B3GALT2: variants seen among roughly 807,000 people sequenced by gnomAD.
B3GALT2 encodes the protein UDP-Gal:betaGlcNAc beta 1,3-galactosyltransferase, polypeptide 2.
B3GALT2 carries 13 observed loss-of-function variants against 33.5 expected under a neutral mutation model. The ratio of observed to expected loss-of-function variants is 0.39; its 90% confidence interval spans 0.25 to 0.62. B3GALT2 has a LOEUF of 0.62. B3GALT2 is among the 20% of genes least tolerant of loss of function. The probability of loss-of-function intolerance (pLI) is 0.53; values close to 1 mark genes in which losing one functional copy is unlikely to be tolerated. For synonymous variants in B3GALT2, 195 were observed against 172.7 expected, an observed-to-expected ratio of 1.13 and a Z score of -1.01; for missense variants, 418 against 509.1, an observed-to-expected ratio of 0.82 and a Z score of 1.72.
chr1:193,184,290 A>G (rs1676768701), intron 1 of B3GALT2, among the ~76,000 whole-genome samples: 1 of 151,930 alleles, frequency 6.6e-6, no homozygotes. Context: ...TTTTGTTAAA[A>G]AGAATATAAA....
At chr1:193,183,785 C>A (rs1391641178) in intron 1 of B3GALT2, among the ~76,000 whole-genome samples, 1 of 151,760 alleles carries the variant, frequency 6.6e-6, no homozygotes, top group Non-Finnish European at 1.5e-5. Context: ...CTAAGTGTTA[C>A]AAAGATAAGT....
Position 193,181,450 on chromosome 1 carries a change from G to A in B3GALT2, c.113C>T (p.Ala38Val), listed in dbSNP as rs2103159403. Residue 38 changes from alanine to valine, a missense_variant, in exon 2 of 2, where the codon GCT (alanine) becomes GTT (valine). Physicochemically the swap from Ala to Val is moderately conservative, Grantham distance 64. Transcript: ENST00000367434. ...ATGATGATTGAAAAACAAAAACATA[G>A]CAAAAAGAAACACTAGAGAAAGTAC... Reference protein sequence around the residue: ...IGVLSLVFLFAMFLFFNHHDW... With the variant: ...IGVLSLVFLFVMFLFFNHHDW... 1 of 1,613,974 alleles carries A rather than the reference G, an allele frequency of 6.2e-7. No individual in the cohort carries two copies. Among genetic ancestry groups the A allele is most frequent in the Non-Finnish European group, 8.5e-7 (1 of 1,179,928 alleles).
chr1:193,185,864 A>G (rs1448765515), intron 1 of B3GALT2, among the ~76,000 whole-genome samples, 155 bp downstream of exon 1: 1 of 152,200 alleles, frequency 6.6e-6, no homozygotes. Flanking sequence ...CTTGTCTTCT[A>G]AACAATGACA....
rs1389579200 is a variant in B3GALT2, at chr1:193,180,230, G to T, written c.*64C>A. 4 of 1,425,710 alleles carry T rather than the reference G, an allele frequency of 2.8e-6. No individual in the cohort carries two copies. The East Asian group carries it at 9.2e-5, about 33-fold the overall frequency. The allele number at this position is 1,425,710 out of a possible 1,614,324, so 88.3% of individuals were successfully genotyped here. A position where few individuals can be genotyped will look rare whatever the true frequency, so the allele number is the denominator to read the frequency against. On this transcript the variant is annotated 3_prime_UTR_variant, in exon 2 of 2. Transcript: ENST00000367434. ...AAAACTTGTCCTACGGATGTAATCA[G>T]TTCTAACTATACATGCTTTTAGCAA...
In B3GALT2 at chr1:193,180,566, C is replaced by T. The variant is rs1676696991; in HGVS notation, c.997G>A (p.Gly333Ser). The T allele has an allele frequency of 5.0e-6, 8 of 1,614,066 alleles. No individual in the cohort carries two copies. Among genetic ancestry groups the T allele is most frequent in the Non-Finnish European group, 6.8e-6 (8 of 1,179,954 alleles). The part of the protein sequence containing the change: ...LAEKIFKVSL[G>S]IRRLHLEDVY... ...TCTTCCAAGTGCAAACGGCGGATAC[C>T]TAAAGAAACTTTAAAAATCTTTTCT... Residue 333 changes from glycine (G) to serine (S), a missense_variant, in exon 2 of 2, where the codon GGT (glycine) becomes AGT (serine). Physicochemically the swap from Gly to Ser is moderately conservative, Grantham distance 56. Coordinates refer to ENST00000367434, the MANE Select transcript of B3GALT2 (RefSeq NM_003783.3).
In B3GALT2 at chr1:193,179,034, A is replaced by C. The variant is rs1460786826; in HGVS notation, c.*1260T>G. ...AAACAAAATTATTGTGAAAATACTT[A>C]TAACACTCAGTAAAGTTTTTTGTTT... On this transcript the variant is annotated 3_prime_UTR_variant, in exon 2 of 2. Transcript: ENST00000367434. 6.6e-6 allele frequency: 1 copy of C among 152,234 alleles called. No homozygotes were observed. Among genetic ancestry groups the C allele is most frequent in the African/African-American group, 2.4e-5 (1 of 41,466 alleles). The allele number at this position is 152,234 out of a possible 1,614,324, so 9.4% of individuals were successfully genotyped here.
Position 193,181,020 on chromosome 1 carries a change from A to G in B3GALT2, c.543T>C (p.Pro181=), listed in dbSNP as rs1676705624. The G allele has an allele frequency of 2.5e-6, 4 of 1,613,682 alleles. No homozygotes were observed. Among genetic ancestry groups the G allele is most frequent in the South Asian group, 1.1e-5 (1 of 91,068 alleles). The stretch of plus-strand genomic sequence containing the variant: ...AAAATATTCTTGTGATTTGAATACC[A>G]GGTGCTAGACTTTCATTGCCCCAAG... The part of the protein sequence containing the change: ...RQTWGNESLA[P]GIQITRIFLL... The change falls in exon 2 of 2, where the codon CCT becomes CCC. Residue 181 remains proline, a synonymous_variant. Transcript: ENST00000367434.
intron 1 of B3GALT2, among the ~76,000 whole-genome samples, chr1:193,183,287 G>C (rs1278326361): frequency 6.6e-6 from 1 of 151,134 alleles, no homozygotes; most frequent in East Asian, 1.9e-4. Flanking sequence ...AGGCACCAGC[G>C]TTTGAAATTT....
At chr1:193,185,945 C>T (rs1294708469) in intron 1 of B3GALT2, 74 bp downstream of exon 1, 4 of 152,140 alleles carry the variant, frequency 2.6e-5, no homozygotes, top group Admixed American at 1.3e-4. Flanking sequence ...ACTTGCTTAT[C>T]AGGTATTAGT....
chr1:193,186,338 T>G lies in B3GALT2; in HGVS notation c.-440A>C, dbSNP rs1194990643. On this transcript the variant is annotated 5_prime_UTR_variant, in exon 1 of 2. Coordinates refer to ENST00000367434, the MANE Select transcript of B3GALT2 (RefSeq NM_003783.3). The stretch of plus-strand genomic sequence containing the variant: ...TCCCGACAGTTGATGCATTGAAGCT[T>G]TTTACATCTGCTATTTTCCTGGCTG... The G allele has an allele frequency of 6.6e-6, 1 of 152,466 alleles. No individual in the cohort carries two copies. Among genetic ancestry groups the G allele is most frequent in the Non-Finnish European group, 1.5e-5 (1 of 68,022 alleles). The allele number at this position is 152,466 out of a possible 1,614,324, so 9.4% of individuals were successfully genotyped here.
chr1:193,180,014 CAG>C lies in B3GALT2; in HGVS notation c.*278_*279del. Reference sequence around the variant, plus strand: ...GCAGATACATTTTATTGGCCCCTAACAGAAGACTTGAACCATTGATTTATGCA... The same window carrying C: ...GCAGATACATTTTATTGGCCCCTAACAAGACTTGAACCATTGATTTATGCA... On this transcript the variant is annotated 3_prime_UTR_variant, in exon 2 of 2. Transcript: ENST00000367434. 4.2e-6 allele frequency: 1 copy of C among 236,070 alleles called. No individual in the cohort carries two copies. Among genetic ancestry groups the C allele is most frequent in the Non-Finnish European group, 8.0e-6 (1 of 124,408 alleles). The allele number at this position is 236,070 out of a possible 1,614,324, so 14.6% of individuals were successfully genotyped here.
rs1213478888 is a variant in B3GALT2, at chr1:193,179,161, G to A, written c.*1133C>T. 4 of 152,016 alleles carry A rather than the reference G, an allele frequency of 2.6e-5. No individual in the cohort carries two copies. The highest frequency in any genetic ancestry group is 9.7e-5 in the African/African-American group (4 of 41,378). 9.4% of individuals were successfully genotyped at this position (152,016 alleles called of 1,614,324 possible). ...TAGTTTTCCCCATCCCTCCCAAAAAGGTTTTTAATTGGTGATTCAGAATAT... is the reference window on the plus strand; with the variant it reads ...TAGTTTTCCCCATCCCTCCCAAAAAAGTTTTTAATTGGTGATTCAGAATAT... On this transcript the variant is annotated 3_prime_UTR_variant, in exon 2 of 2. Coordinates refer to ENST00000367434, the MANE Select transcript of B3GALT2 (RefSeq NM_003783.3).
rs1259605999 is a variant in B3GALT2, at chr1:193,179,678, AAAGT to A, written c.*612_*615del. The stretch of plus-strand genomic sequence containing the variant: ...ATTTTCCCCCATATATTAATAAAAG[AAAGT>A]ATTAATAAAAGAAATTTAAAATAAT... On this transcript the variant is annotated 3_prime_UTR_variant, in exon 2 of 2. Transcript: ENST00000367434. 1.7e-4 allele frequency: 26 copies of A among 152,584 alleles called. No individual in the cohort carries two copies. The highest frequency in any genetic ancestry group is 1.4e-3 in the Admixed American group (21 of 15,274). 9.5% of individuals were successfully genotyped at this position (152,584 alleles called of 1,614,324 possible).
rs750619305 is a variant in B3GALT2 at position 193,181,336 on chromosome 1, T to A, written c.227A>T (p.His76Leu). The A allele has an allele frequency of 3.7e-6, 6 of 1,614,080 alleles. No individual in the cohort carries two copies. Among genetic ancestry groups the A allele is most frequent in the Non-Finnish European group, 5.1e-6 (6 of 1,179,948 alleles). ...TTTCCAAATGTTCCGAAGGGAGCTG[T>A]GGTTTGTCTCACTTTTTGTTGACCG... ...GFRSTKSETNHSSLRNIWKET... is the reference protein window; with the variant it reads ...GFRSTKSETNLSSLRNIWKET... Residue 76 changes from histidine to leucine, a missense_variant, in exon 2 of 2, where the codon CAC becomes CTC. Around this residue, in one of 3 missense-constraint regions of B3GALT2, gnomAD observed 188 missense variants for 197.5 expected, o/e 0.95. Transcript: ENST00000367434.
intron 1 of B3GALT2, among the ~76,000 whole-genome samples, chr1:193,183,848 A>C (rs781061340): frequency 6.6e-6 from 1 of 151,924 alleles, no homozygotes; most frequent in Non-Finnish European, 1.5e-5. Context: ...AAGTCCAATT[A>C]TACAGATTTT....
intron 1 of B3GALT2, among the ~76,000 whole-genome samples, chr1:193,183,871 A>C (rs1676761893): frequency 6.6e-6 from 1 of 151,686 alleles, no homozygotes; most frequent in African/African-American, 2.4e-5. Flanking sequence ...TTAAAGTGTA[A>C]ATTTGATGGT....
chr1:193,182,492 C>T (rs1676733854), intron 1 of B3GALT2, among the ~76,000 whole-genome samples: 2 of 152,072 alleles, frequency 1.3e-5, no homozygotes, highest in South Asian at 4.1e-4. Context: ...ATTAAAAGAG[C>T]TACTTTGAAA....
chr1:193,181,928 C>T (rs1249688040), intron 1 of B3GALT2, among the ~76,000 whole-genome samples: 1 of 152,126 alleles, frequency 6.6e-6, no homozygotes, highest in African/African-American at 2.4e-5. Context: ...TGTCTTGTTA[C>T]ACTGGTCATT....
In B3GALT2 at chr1:193,180,809, C is replaced by A; in HGVS notation, c.754G>T (p.Asp252Tyr). ...TCAGTGTTGACAAACATGTCACTGT[C>A]AGTTTTCATAACATATGGAATATGT... ...CPHIPYVMKT[D>Y]SDMFVNTEYL... The change falls in exon 2 of 2, where the codon GAC (aspartate) becomes TAC (tyrosine). Residue 252 changes from aspartate (D) to tyrosine (Y), a missense_variant. Transcript: ENST00000367434. 6.2e-7 allele frequency: 1 copy of A among 1,614,052 alleles called. No homozygotes were observed. Among genetic ancestry groups the A allele is most frequent in the South Asian group, 1.1e-5 (1 of 91,062 alleles).
Sources: gnomAD v4.1 joint callset for allele counts (sites outside exome capture counted in the v4.1 genomes callset) on GRCh38, gnomAD v4.1.1 for gene constraint, gnomAD v4.1.1 regional missense constraint, MANE v1.5 for transcripts, NCBI Gene and HGNC (gene_info 2026-07-23, HGNC 2026-07-21) for gene names.